Variants in AKAP8 observed in about 807,000 individuals in gnomAD.
AKAP8 encodes A-kinase anchor protein 8.
Under a neutral mutation model 67.5 loss-of-function variants are expected in AKAP8, and 24 were observed. That is an observed-to-expected ratio of 0.36 (90% CI 0.26 to 0.50). The LOEUF is 0.50. AKAP8 is among the 20% of genes least tolerant of loss of function. AKAP8 has a pLI of 0.97. For missense variants in AKAP8, 971 were observed against 955.9 expected, an observed-to-expected ratio of 1.02 and a Z score of -0.21; for synonymous variants, 400 against 371.1, an observed-to-expected ratio of 1.08 and a Z score of -0.90.
intron 2 of AKAP8, among the ~76,000 whole-genome samples, chr19:15,375,973 C>T (rs1353923526): frequency 6.6e-6 from 1 of 151,494 alleles, no homozygotes; most frequent in Non-Finnish European, 1.5e-5. Flanking sequence ...CTCTGTCACC[C>T]AGGCTGGAGT....
chr19:15,359,122 C>A, intron 12 of AKAP8, 60 bp from the exon 13 acceptor site: 1 of 1,493,172 alleles, frequency 6.7e-7, no homozygotes, highest in South Asian at 1.1e-5. Flanking sequence ...AGAGAATAAA[C>A]CAGCCAGGCT....
At chr19:15,372,708 T>C in intron 5 of AKAP8, 143 bp downstream of exon 5, 1 of 1,248,114 alleles carries the variant, frequency 8.0e-7, no homozygotes, top group Non-Finnish European at 1.1e-6. Flanking sequence ...GTGGGGATGG[T>C]TGCACAATCC....
intron 9 of AKAP8, among the ~76,000 whole-genome samples, chr19:15,366,880 A>G (rs1446421013): frequency 6.6e-6 from 1 of 151,412 alleles, no homozygotes; most frequent in African/African-American, 2.4e-5. Flanking sequence ...AAGTGGTGGG[A>G]TTACAGGCGT....
rs557405721 is a variant in AKAP8, at chr19:15,369,602, C to T, written c.1072+544G>A. Among the ~76,000 whole-genome samples the T allele has an allele frequency of 7.9e-5, 12 of 152,300 alleles. No individual in the cohort carries two copies. In the South Asian group the frequency reaches 2.3e-3, roughly 29 times the overall value. ...GGACATGAAGAGACCTGCTGAAGGG[C>T]GCCCGCCTCTCAAAGACCCAGTGGG... On this transcript the variant is annotated intron_variant, in intron 8 of 13. Coordinates refer to ENST00000269701, the MANE Select transcript of AKAP8 (RefSeq NM_005858.4). This position sits in a 1 kb window ranked among gnomAD's most constrained non-coding sequence, Gnocchi z 4.6.
chr19:15,359,690 G>A (rs923963706), intron 12 of AKAP8, among the ~76,000 whole-genome samples: 2 of 151,092 alleles, frequency 1.3e-5, no homozygotes, highest in African/African-American at 4.9e-5. Context: ...CTGGGCAATG[G>A]AGTGAGACTC....
In AKAP8 at chr19:15,374,001, G is replaced by A; in HGVS notation, c.156C>T (p.Ser52=). The A allele has an allele frequency of 6.2e-7, 1 of 1,609,836 alleles. No individual in the cohort carries two copies. Among genetic ancestry groups the A allele is most frequent in the Non-Finnish European group, 8.5e-7 (1 of 1,178,412 alleles). The change falls in exon 4 of 14, where the codon AGC becomes AGT. Residue 52 remains serine, a synonymous_variant. Coordinates refer to ENST00000269701, the MANE Select transcript of AKAP8 (RefSeq NM_005858.4). ...NTSVTTGATY[S]YGPASWEAAK... The stretch of plus-strand genomic sequence containing the variant: ...CGGCCTCCCACGAGGCTGGGCCGTA[G>A]CTGTAGGTTGCGCCTGTGGTGACAC...
intron 3 of AKAP8, 38 bp from the exon 4 acceptor site, chr19:15,374,103 C>T: frequency 6.6e-7 from 1 of 1,523,320 alleles, no homozygotes; most frequent in Non-Finnish European, 8.8e-7. Flanking sequence ...ACTTCAGCAG[C>T]CACGAGGCCT....
At chr19:15,374,711 C>T in intron 2 of AKAP8, 76 bp from the exon 3 acceptor site, 1 of 1,552,102 alleles carries the variant, frequency 6.4e-7, no homozygotes, top group South Asian at 1.1e-5. Flanking sequence ...CACCTTGCTC[C>T]ACCCTCCACA....
rs2048265829 is a variant in AKAP8, at chr19:15,354,747, G to A, written c.*168C>T. Reference sequence around the variant, plus strand: ...TGGGCAAGAAGCCACACGACTGCATGAGACAAGCCGTGAGAGGCACTGCTC... The same window carrying A: ...TGGGCAAGAAGCCACACGACTGCATAAGACAAGCCGTGAGAGGCACTGCTC... On this transcript the variant is annotated 3_prime_UTR_variant, in exon 14 of 14. Coordinates refer to ENST00000269701, the MANE Select transcript of AKAP8 (RefSeq NM_005858.4). The A allele has an allele frequency of 5.5e-6, 4 of 724,018 alleles. No homozygotes were observed. Among genetic ancestry groups the A allele is most frequent in the Non-Finnish European group, 8.9e-6 (4 of 448,502 alleles). 44.8% of individuals were successfully genotyped at this position (724,018 alleles called of 1,614,324 possible).
Position 15,373,071 on chromosome 19 carries a change from G to C in AKAP8, c.641C>G (p.Ala214Gly). ...CGTGGACAGGGGCTCAGAGGACGCA[G>C]CGGGGGGCACGAAGGGGTCGCTGCG... ...FMRSDPFVPPAASSEPLSTPW... is the reference protein window; with the variant it reads ...FMRSDPFVPPGASSEPLSTPW... The change falls in exon 5 of 14, where the codon GCT becomes GGT. Residue 214 changes from alanine (A) to glycine (G), a missense_variant. Around this residue, in one of 3 missense-constraint regions of AKAP8, gnomAD observed 763 missense variants for 745.4 expected, o/e 1.02. Coordinates refer to ENST00000269701, the MANE Select transcript of AKAP8 (RefSeq NM_005858.4). 4.3e-6 allele frequency: 7 copies of C among 1,610,112 alleles called. No homozygotes were observed. Among genetic ancestry groups the C allele is most frequent in the Non-Finnish European group, 5.1e-6 (6 of 1,178,502 alleles).
At chr19:15,368,805 C>T (rs1967109583) in intron 8 of AKAP8, 23 of 985,330 alleles carry the variant, frequency 2.3e-5, no homozygotes, top group Non-Finnish European at 2.7e-5. Flanking sequence ...CCCGTCTGAA[C>T]TAGGGCCTCA....
Position 15,362,130 on chromosome 19 carries a change from T to G in AKAP8, c.1282A>C (p.Lys428Gln). The G allele has an allele frequency of 6.2e-7, 1 of 1,614,056 alleles. No homozygotes were observed. The highest frequency in any genetic ancestry group is 8.5e-7 in the Non-Finnish European group (1 of 1,179,964). ...TTTACCTGGAGGAACTCCACGGTCT[T>G]GTCGGGCAGCTTGGTGCTTATGAAC... ...LRFISTKLPD[K>Q]TVEFLQEYIV... The change falls in exon 10 of 14, where the codon AAG becomes CAG. Residue 428 changes from lysine (K) to glutamine (Q), a missense_variant. Lys to Gln is a moderately conservative substitution (Grantham distance 53, BLOSUM62 1). Transcript: ENST00000269701.
intron 12 of AKAP8, among the ~76,000 whole-genome samples, chr19:15,359,737 CA>C (rs1480553103): frequency 1.3e-5 from 2 of 151,652 alleles, no homozygotes; most frequent in African/African-American, 4.9e-5. Context: ...AAAACAAAAA[CA>C]AAAAACAAAC....
At chr19:15,379,529 C>T (rs1967332537) in intron 1 of AKAP8, 184 bp downstream of exon 1, 2 of 587,646 alleles carry the variant, frequency 3.4e-6, no homozygotes, top group Non-Finnish European at 5.4e-6. Context: ...GCACGCAGAG[C>T]CCCGGGAGCG....
intron 2 of AKAP8, 138 bp from the exon 3 acceptor site, chr19:15,374,773 GT>G: frequency 5.4e-6 from 5 of 930,332 alleles, no homozygotes; most frequent in Non-Finnish European, 6.5e-6. Flanking sequence ...ACCCTTGGGT[GT>G]TTTTAGCTCA....
At chr19:15,375,916 G>A (rs549054001) in intron 2 of AKAP8, among the ~76,000 whole-genome samples, 1 of 151,828 alleles carries the variant, frequency 6.6e-6, no homozygotes, top group African/African-American at 2.4e-5. Flanking sequence ...GGGATTACAG[G>A]CGTGAGCCAC....
At position 15,361,813 on chromosome 19, in the gene AKAP8, C is replaced by T; in HGVS notation, c.1312G>A (p.Val438Ile). Residue 438 changes from valine (V) to isoleucine (I), a missense_variant, in exon 11 of 14, where the codon GTA becomes ATA. By Grantham distance (29) the Val-to-Ile change is conservative. Around this residue, in one of 3 missense-constraint regions of AKAP8, gnomAD observed 763 missense variants for 745.4 expected, o/e 1.02. Coordinates refer to ENST00000269701, the MANE Select transcript of AKAP8 (RefSeq NM_005858.4). ...TTCTCAATTTTCTTATTTCTGTTTACAATGTATTCCTAGGTGGGATTGGAG... is the reference window on the plus strand; with the variant it reads ...TTCTCAATTTTCTTATTTCTGTTTATAATGTATTCCTAGGTGGGATTGGAG... Reference protein sequence around the residue: ...KTVEFLQEYIVNRNKKIEKRR... With the variant: ...KTVEFLQEYIINRNKKIEKRR... The T allele has an allele frequency of 6.2e-7, 1 of 1,613,758 alleles. No individual in the cohort carries two copies. Among genetic ancestry groups the T allele is most frequent in the Non-Finnish European group, 8.5e-7 (1 of 1,179,682 alleles).
rs769106336 is a variant in AKAP8 at position 15,359,070 on chromosome 19, G to A, written c.1528-8C>T. The A allele has an allele frequency of 1.2e-6, 2 of 1,613,210 alleles. No individual in the cohort carries two copies. Among genetic ancestry groups the A allele is most frequent in the South Asian group, 1.1e-5 (1 of 91,062 alleles). On this transcript the variant is annotated splice_polypyrimidine_tract_variant and splice_region_variant and intron_variant, in intron 12 of 13. Transcript: ENST00000269701. ...GAACTGTTCAGCAGCCAACTGCAAA[G>A]GGAACCAAATGTGAGCTCTTAAAAA...
At chr19:15,371,029 A>C (rs2145080383) in intron 7 of AKAP8, among the ~76,000 whole-genome samples, 1 of 152,352 alleles carries the variant, frequency 6.6e-6, no homozygotes, top group East Asian at 1.9e-4. Context: ...ACATACGGCT[A>C]AATTAACAAT....
Sources: allele counts gnomAD v4.1 joint callset (sites outside exome capture counted in the v4.1 genomes callset), GRCh38; gene constraint gnomAD v4.1.1; regional missense constraint gnomAD v4.1.1; non-coding constraint Gnocchi (gnomAD v3.1); transcripts MANE v1.5; gene names NCBI Gene and HGNC (gene_info 2026-07-23, HGNC 2026-07-21).